Variants in ECEL1 observed in about 807,000 individuals in gnomAD.
ECEL1 encodes the protein endothelin-converting enzyme-like 1.
In ECEL1, 87 loss-of-function variants were observed where a neutral mutation model predicts 101.8. The observed-to-expected ratio is 0.85, with a 90% confidence interval of 0.72 to 1.02. ECEL1 has a LOEUF of 1.02. Ranked by LOEUF, ECEL1 falls within the 50% of genes least tolerant of loss-of-function variation. The pLI is 0.00. For synonymous variants in ECEL1, 487 were observed against 468.7 expected, an observed-to-expected ratio of 1.04 and a Z score of -0.50; for missense variants, 1,032 against 1,079.2, an observed-to-expected ratio of 0.96 and a Z score of 0.61.
chr2:232,484,144 G>T lies in ECEL1; in HGVS notation c.1264C>A (p.His422Asn), dbSNP rs772631138. Reference sequence around the variant, plus strand: ...CCCTCCATCTCCTGTGCCAGCTCGTGCAGTGCCTCACGGAATGGCGGGGAC... The same window carrying T: ...CCCTCCATCTCCTGTGCCAGCTCGTTCAGTGCCTCACGGAATGGCGGGGAC... ...HLSPPFREAL[H>N]ELAQEMEGSD... Residue 422 changes from histidine (H) to asparagine (N), a missense_variant, in exon 7 of 18, where the codon CAC becomes AAC. Transcript: ENST00000304546. 6.2e-7 allele frequency: 1 copy of T among 1,613,758 alleles called. No individual in the cohort carries two copies. Among genetic ancestry groups the T allele is most frequent in the Admixed American group, 1.7e-5 (1 of 60,032 alleles).
Position 232,486,577 on chromosome 2 carries a change from C to G in ECEL1, c.77G>C (p.Gly26Ala), listed in dbSNP as rs755213795. ...GGGCAGGGAGGCCCCGCGCGCGCCC[C>G]CCGCGCCGCAGCGGCTCACGTACTT... ...EVKYVSRCGA[G>A]GARGASLPPG... The change falls in exon 2 of 18, where the codon GGG becomes GCG. Residue 26 changes from glycine (G) to alanine (A), a missense_variant. Coordinates refer to ENST00000304546, the MANE Select transcript of ECEL1 (RefSeq NM_004826.4). The G allele has an allele frequency of 1.4e-6, 2 of 1,396,430 alleles. No individual in the cohort carries two copies. The highest frequency in any genetic ancestry group is 1.9e-6 in the Non-Finnish European group (2 of 1,077,158). 86.5% of individuals were successfully genotyped at this position (1,396,430 alleles called of 1,614,324 possible). A position where few individuals can be genotyped will look rare whatever the true frequency, so the allele number is the denominator to read the frequency against.
chr2:232,487,340 C>T (rs1690755961), intron 1 of ECEL1, among the ~76,000 whole-genome samples: 1 of 152,288 alleles, frequency 6.6e-6, no homozygotes, highest in East Asian at 1.9e-4. Context: ...GCGCCAACGC[C>T]CCAGGGTGGC....
rs1476654528 is a variant in ECEL1 at position 232,486,193 on chromosome 2, C to G, written c.461G>C (p.Gly154Ala). ...KLTYGTIAAIGEQNEERLRRL... is the reference protein window; with the variant it reads ...KLTYGTIAAIAEQNEERLRRL... Reference sequence around the variant, plus strand: ...CCGTAGGCGCTCCTCGTTTTGCTCGCCGATGGCCGCGATGGTGCCATAGGT... The same window carrying G: ...CCGTAGGCGCTCCTCGTTTTGCTCGGCGATGGCCGCGATGGTGCCATAGGT... Residue 154 changes from glycine (G) to alanine (A), a missense_variant, in exon 2 of 18, where the codon GGC becomes GCC. Physicochemically the swap from Gly to Ala is moderately conservative, Grantham distance 60. Transcript: ENST00000304546. 6.3e-7 allele frequency: 1 copy of G among 1,596,240 alleles called. No homozygotes were observed. Among genetic ancestry groups the G allele is most frequent in the Non-Finnish European group, 8.5e-7 (1 of 1,176,606 alleles).
At chr2:232,483,536 A>G in intron 7 of ECEL1, 22 bp from the exon 8 acceptor site, 1 of 1,584,076 alleles carries the variant, frequency 6.3e-7, no homozygotes, top group Non-Finnish European at 8.6e-7. Context: ...GGGGTCAGGG[A>G]GCAAGGGTCA....
At chr2:232,481,183 G>A (rs756056056) in intron 14 of ECEL1, 27 bp from the exon 15 acceptor site, 9 of 1,552,408 alleles carry the variant, frequency 5.8e-6, no homozygotes, top group African/African-American at 4.1e-5. Flanking sequence ...AGGCCAGGGG[G>A]CTGCTTGGGG....
At position 232,483,092 on chromosome 2, in the gene ECEL1, G is replaced by T; in HGVS notation, c.1581+13C>A. 6.2e-7 allele frequency: 1 copy of T among 1,609,758 alleles called. No individual in the cohort carries two copies. ...GGCTGTGGACAGGCTGGGCAGGCAGGGTCAGGGCCCACCTCATACTCCTTG... is the reference window on the plus strand; with the variant it reads ...GGCTGTGGACAGGCTGGGCAGGCAGTGTCAGGGCCCACCTCATACTCCTTG... On this transcript the variant is annotated intron_variant, in intron 9 of 17. Transcript: ENST00000304546.
At chr2:232,482,527 G>C (rs371375770) in intron 11 of ECEL1, 23 bp downstream of exon 11, 2 of 1,613,866 alleles carry the variant, frequency 1.2e-6, no homozygotes, top group African/African-American at 1.3e-5. Context: ...TGCCCCGCCC[G>C]GCGTAGGGAC....
chr2:232,482,541 TC>T lies in ECEL1; in HGVS notation c.1744+8del, dbSNP rs778403584. The T allele has an allele frequency of 4.3e-6, 7 of 1,613,870 alleles. No individual in the cohort carries two copies. The Admixed American group carries it at 1.0e-4, about 23-fold the overall frequency. ...CTGCCCCGCCCGGCGTAGGGACACA[TC>T]CCCTTACCCATCTGGTTCTTGTTGG... is the stretch of plus-strand genomic sequence containing the variant. On this transcript the variant is annotated splice_region_variant and intron_variant, in intron 11 of 17. Transcript: ENST00000304546.
rs761662938 is a variant in ECEL1 at position 232,486,031 on chromosome 2, C to A, written c.623G>T (p.Cys208Phe). 3 of 1,609,158 alleles carry A rather than the reference C, an allele frequency of 1.9e-6. No individual in the cohort carries two copies. In the South Asian group the frequency reaches 3.3e-5, roughly 18 times the overall value. Reference sequence around the variant, plus strand: ...CGCGCCGCCCAGGTCCCAGCCCCCGCAGTCCTCGATGACCTCTAGCATGGG... The same window carrying A: ...CGCGCCGCCCAGGTCCCAGCCCCCGAAGTCCTCGATGACCTCTAGCATGGG... ...PRPMLEVIED[C>F]GGWDLGGAEE... Residue 208 changes from cysteine to phenylalanine, a missense_variant, in exon 2 of 18, where the codon TGC becomes TTC. Physicochemically the swap from Cys to Phe is radical, Grantham distance 205 (BLOSUM62 -2). Transcript: ENST00000304546.
At position 232,486,706 on chromosome 2, in the gene ECEL1, C is replaced by G; in HGVS notation, c.-53G>C. 7.1e-7 allele frequency: 1 copy of G among 1,407,442 alleles called. No individual in the cohort carries two copies. 87.2% of individuals were successfully genotyped at this position (1,407,442 alleles called of 1,614,324 possible). ...TGGGCCACCTGGGCTACGGGATGCGCGTGGCCGCCGGCCTCCTCGTGGGCC... is the reference window on the plus strand; with the variant it reads ...TGGGCCACCTGGGCTACGGGATGCGGGTGGCCGCCGGCCTCCTCGTGGGCC... On this transcript the variant is annotated 5_prime_UTR_variant, in exon 2 of 18. Coordinates refer to ENST00000304546, the MANE Select transcript of ECEL1 (RefSeq NM_004826.4).
At chr2:232,487,385 G>T (rs1026362521) in intron 1 of ECEL1, among the ~76,000 whole-genome samples, 1 of 152,072 alleles carries the variant, frequency 6.6e-6, no homozygotes, top group Non-Finnish European at 1.5e-5. Flanking sequence ...GGCCCTGATG[G>T]AGAACCCGAG....
chr2:232,482,281 TC>T, intron 12 of ECEL1, 136 bp downstream of exon 12: 1 of 1,117,992 alleles, frequency 8.9e-7, no homozygotes, highest in Non-Finnish European at 1.3e-6. Context: ...GGAGCCAGGG[TC>T]CACAGCTGTC....
Position 232,480,433 on chromosome 2 carries a change from C to A in ECEL1, c.2194G>T (p.Val732Leu). 6.2e-7 allele frequency: 1 copy of A among 1,614,006 alleles called. No individual in the cohort carries two copies. The highest frequency in any genetic ancestry group is 8.5e-7 in the Non-Finnish European group (1 of 1,180,000). ...TCAGGGGCATGCTTGTCAGTCAGCA[C>A]CTGCAGGTAGATGGACTGCGACCGC... ...KRRSQSIYLQ[V>L]LTDKHAPEHY... Residue 732 changes from valine to leucine, a missense_variant, in exon 17 of 18, where the codon GTG (valine) becomes TTG (leucine). Physicochemically the swap from Val to Leu is conservative, Grantham distance 32. Coordinates refer to ENST00000304546, the MANE Select transcript of ECEL1 (RefSeq NM_004826.4).
At chr2:232,487,281 CCTT>C (rs1336414589) in intron 1 of ECEL1, among the ~76,000 whole-genome samples, 1 of 152,216 alleles carries the variant, frequency 6.6e-6, no homozygotes, top group African/African-American at 2.4e-5. Context: ...CTCCCTGGCT[CCTT>C]CTGCTCGGTG....
rs138012155 is a variant in ECEL1 at position 232,484,807 on chromosome 2, G to A, written c.1053C>T (p.Thr351=). 560 of 1,613,754 alleles carry A rather than the reference G, an allele frequency of 3.5e-4. No homozygotes were observed. The highest frequency in any genetic ancestry group is 3.5e-4 in the Non-Finnish European group (416 of 1,180,012). ...KVTLGQLQKI[T]PHLRWKWLLD... ...AGGACTGGGCCACACTCACGTGGGGGGTGATCTTCTGCAGCTGCCCCAGCG... is the reference window on the plus strand; with the variant it reads ...AGGACTGGGCCACACTCACGTGGGGAGTGATCTTCTGCAGCTGCCCCAGCG... Residue 351 remains threonine (T), a synonymous_variant, in exon 5 of 18, where the codon ACC becomes ACT. Transcript: ENST00000304546.
chr2:232,483,375 A>G, intron 8 of ECEL1, 41 bp downstream of exon 8: 1 of 1,581,446 alleles, frequency 6.3e-7, no homozygotes, highest in South Asian at 1.2e-5. Context: ...TAGGTGCTCA[A>G]TATATATGGG....
chr2:232,487,181 G>T (rs988092346), intron 1 of ECEL1, among the ~76,000 whole-genome samples: 1 of 152,190 alleles, frequency 6.6e-6, no homozygotes, highest in Admixed American at 6.5e-5. Context: ...TCAGCTCTCC[G>T]CGCTGGACCC....
chr2:232,480,022 C>T lies in ECEL1; in HGVS notation c.*131G>A. 2.4e-6 allele frequency: 2 copies of T among 832,730 alleles called. No homozygotes were observed. The highest frequency in any genetic ancestry group is 3.8e-6 in the Non-Finnish European group (2 of 523,124). The allele number at this position is 832,730 out of a possible 1,614,324, so 51.6% of individuals were successfully genotyped here. ...CCTGAAGTGAGGGGCAGCAGGGGGA[C>T]CGGGTCCTGGAGGGGCTGGAAGGCA... is the stretch of plus-strand genomic sequence containing the variant. On this transcript the variant is annotated 3_prime_UTR_variant, in exon 18 of 18. Coordinates refer to ENST00000304546, the MANE Select transcript of ECEL1 (RefSeq NM_004826.4).
intron 17 of ECEL1, 60 bp from the exon 18 acceptor site, chr2:232,480,312 C>A (rs937734530): frequency 8.0e-5 from 129 of 1,612,304 alleles, no homozygotes; most frequent in Non-Finnish European, 1.0e-4. Context: ...CCCCAGCAAC[C>A]AGGGGTGACT....
Sources: allele counts gnomAD v4.1 joint callset (sites outside exome capture counted in the v4.1 genomes callset), GRCh38; gene constraint gnomAD v4.1.1; transcripts MANE v1.5; gene names NCBI Gene and HGNC (gene_info 2026-07-23, HGNC 2026-07-21).